NALF1: variants seen among roughly 807,000 people sequenced by gnomAD.
The protein encoded by NALF1 is family with sequence similarity 155 member A.
A neutral mutation model predicts 48.4 loss-of-function variants in NALF1; 3 were observed. That is an observed-to-expected ratio of 0.06 (90% confidence interval 0.03 to 0.16). The LOEUF (loss-of-function observed/expected upper bound fraction) is 0.16, where lower values mean the gene tolerates loss of function less well. Among genes scored for constraint, NALF1 ranks in the 10% least tolerant of loss-of-function variants. The pLI is 1.00. For synonymous variants in NALF1, 262 were observed against 245.7 expected, an observed-to-expected ratio of 1.07 and a Z score of -0.62; for missense variants, 526 against 571.5, an observed-to-expected ratio of 0.92 and a Z score of 0.81.
chr13:107,202,368 T>C (rs1879539173), intron 2 of NALF1, among the ~76,000 whole-genome samples: 1 of 149,164 alleles, frequency 6.7e-6, no homozygotes, highest in Non-Finnish European at 1.5e-5. Context: ...TATGTTGATA[T>C]GGTATAGATA....
At chr13:107,534,856 A>G (rs989873913) in intron 1 of NALF1, among the ~76,000 whole-genome samples, 2 of 152,158 alleles carry the variant, frequency 1.3e-5, no homozygotes, top group Non-Finnish European at 2.9e-5. Flanking sequence ...AGTACAGAGT[A>G]TTCAGTGTGA....
chr13:107,512,497 T>A (rs1258309813), intron 1 of NALF1, among the ~76,000 whole-genome samples: 2 of 152,076 alleles, frequency 1.3e-5, no homozygotes, highest in Non-Finnish European at 2.9e-5. Flanking sequence ...ACTCGGCTCA[T>A]GAGGGTCCTT....
At chr13:107,382,991 A>C (rs1207039056) in intron 1 of NALF1, among the ~76,000 whole-genome samples, 2 of 152,206 alleles carry the variant, frequency 1.3e-5, no homozygotes, top group East Asian at 3.9e-4. Context: ...TGCAATCAGC[A>C]GTGAGAACTG....
intron 1 of NALF1, among the ~76,000 whole-genome samples, chr13:107,535,819 T>C (rs572536996): frequency 6.6e-6 from 1 of 152,228 alleles, no homozygotes; most frequent in South Asian, 2.1e-4. Flanking sequence ...CTACCTCACT[T>C]CAAACTATAC....
chr13:107,620,430 A>G (rs1038034763), intron 1 of NALF1, among the ~76,000 whole-genome samples: 4 of 152,344 alleles, frequency 2.6e-5, no homozygotes, highest in African/African-American at 9.6e-5. Flanking sequence ...AGAGGAACAG[A>G]AAAGGCTTTG....
chr13:107,632,186 C>A (rs1879853063), intron 1 of NALF1, among the ~76,000 whole-genome samples: 1 of 152,092 alleles, frequency 6.6e-6, no homozygotes, highest in Admixed American at 6.6e-5. Context: ...TTTAAACGCT[C>A]TGGTGGCAAA....
At chr13:107,777,991 C>G (rs1877786366) in intron 1 of NALF1, among the ~76,000 whole-genome samples, 1 of 152,182 alleles carries the variant, frequency 6.6e-6, no homozygotes, top group Non-Finnish European at 1.5e-5. Flanking sequence ...TTCAAATTCT[C>G]TGCTGATTCA....
At chr13:107,741,847 C>A (rs990579010) in intron 1 of NALF1, among the ~76,000 whole-genome samples, 1 of 152,122 alleles carries the variant, frequency 6.6e-6, no homozygotes, top group Admixed American at 6.5e-5. Context: ...TCTAGTTTAT[C>A]AATGAACAAG....
intron 1 of NALF1, among the ~76,000 whole-genome samples, chr13:107,658,405 A>T (rs952891011): frequency 6.6e-6 from 1 of 151,812 alleles, no homozygotes; most frequent in Non-Finnish European, 1.5e-5. Flanking sequence ...TATGGCTCTT[A>T]TCACCTTCCT....
chr13:107,265,511 C>T (rs2138857995), intron 1 of NALF1, among the ~76,000 whole-genome samples: 1 of 152,196 alleles, frequency 6.6e-6, no homozygotes, highest in South Asian at 2.1e-4. Context: ...CCTCAGCCTC[C>T]CAGGTTCAAG....
chr13:107,294,251 C>A (rs1204537431), intron 1 of NALF1, among the ~76,000 whole-genome samples: 1 of 152,104 alleles, frequency 6.6e-6, no homozygotes, highest in East Asian at 1.9e-4. Context: ...TCCCAGGCAC[C>A]ATTTTTTTGC....
chr13:107,749,609 C>T, intron 1 of NALF1, among the ~76,000 whole-genome samples: 1 of 151,680 alleles, frequency 6.6e-6, no homozygotes, highest in Non-Finnish European at 1.5e-5. Context: ...ATATAATATA[C>T]TATATACTAT....
intron 1 of NALF1, among the ~76,000 whole-genome samples, chr13:107,696,673 G>A: frequency 6.6e-6 from 1 of 151,906 alleles, no homozygotes; most frequent in East Asian, 1.9e-4. Context: ...ACTTATATTA[G>A]GTAGTGCATA....
At chr13:107,388,624 T>C (rs767706038) in intron 1 of NALF1, among the ~76,000 whole-genome samples, 2 of 152,150 alleles carry the variant, frequency 1.3e-5, no homozygotes, top group African/African-American at 4.8e-5. Flanking sequence ...TTTCCCTAGA[T>C]AGAGACACTG....
intron 1 of NALF1, among the ~76,000 whole-genome samples, chr13:107,302,117 G>A (rs1036567675): frequency 6.6e-6 from 1 of 152,144 alleles, no homozygotes; most frequent in Admixed American, 6.5e-5. Flanking sequence ...ACGGGAGTGG[G>A]ACTGGTGGCT....
intron 1 of NALF1, among the ~76,000 whole-genome samples, chr13:107,653,870 TACA>T (rs902008077): frequency 8.6e-5 from 13 of 151,846 alleles, no homozygotes; most frequent in Admixed American, 7.9e-4. Flanking sequence ...TAAGGAAAAA[TACA>T]ACAACAAAGT....
chr13:107,188,958 C>G (rs1879230777), intron 2 of NALF1, among the ~76,000 whole-genome samples: 1 of 152,106 alleles, frequency 6.6e-6, no homozygotes, highest in Non-Finnish European at 1.5e-5. Flanking sequence ...GCCATACTGA[C>G]CTGATTATGC....
chr13:107,707,169 G>C (rs1479391339), intron 1 of NALF1, among the ~76,000 whole-genome samples: 1 of 151,684 alleles, frequency 6.6e-6, no homozygotes, highest in Non-Finnish European at 1.5e-5. Flanking sequence ...TGATCCGCCC[G>C]CCTCGGCCTC....
chr13:107,647,475 A>C (rs915674023), intron 1 of NALF1, among the ~76,000 whole-genome samples: 1 of 151,936 alleles, frequency 6.6e-6, no homozygotes, highest in South Asian at 2.1e-4. Flanking sequence ...AAAAAAAAAA[A>C]AACTTAAACC....
Sources: allele counts gnomAD v4.1 joint callset (sites outside exome capture counted in the v4.1 genomes callset), GRCh38; gene constraint gnomAD v4.1.1; transcripts MANE v1.5; gene names NCBI Gene and HGNC (gene_info 2026-07-23, HGNC 2026-07-21).